ARHGAP22: variants seen among roughly 807,000 people sequenced by gnomAD.
The protein encoded by ARHGAP22 is Rho GTPase activating protein 22, also known as rho GTPase-activating protein 22.
A neutral mutation model predicts 59.1 loss-of-function variants in ARHGAP22; 48 were observed. The ratio of observed to expected loss-of-function variants is 0.81; its 90% confidence interval spans 0.64 to 1.03. The LOEUF is 1.03. Ranked by LOEUF, ARHGAP22 falls within the 50% of genes least tolerant of loss-of-function variation. The probability of loss-of-function intolerance (pLI) is 0.00; values close to 1 mark genes in which losing one functional copy is unlikely to be tolerated. For synonymous variants in ARHGAP22, 445 were observed against 416.4 expected (o/e 1.07, Z -0.84); for missense variants, 1,015 against 958.7 (o/e 1.06, Z -0.78).
intron 1 of ARHGAP22, among the ~76,000 whole-genome samples, chr10:48,640,728 T>G (rs1261262891): frequency 1.3e-5 from 2 of 152,186 alleles, no homozygotes; most frequent in Non-Finnish European, 2.9e-5. Flanking sequence ...TTAAAGGAAA[T>G]TTTTTAAGCT....
intron 4 of ARHGAP22, among the ~76,000 whole-genome samples, chr10:48,474,758 A>G (rs1169426925): frequency 6.7e-6 from 1 of 149,702 alleles, no homozygotes; most frequent in Non-Finnish European, 1.5e-5. Context: ...ATAGTACATT[A>G]ATTGATTTTC....
At chr10:48,479,589 T>G in intron 4 of ARHGAP22, 47 bp downstream of exon 4, 1 of 1,613,438 alleles carries the variant, frequency 6.2e-7, no homozygotes, top group East Asian at 2.2e-5. Flanking sequence ...CATGATTACC[T>G]GGAGGCAAGG....
intron 1 of ARHGAP22, among the ~76,000 whole-genome samples, chr10:48,629,024 C>T (rs905736123): frequency 6.6e-6 from 1 of 152,164 alleles, no homozygotes; most frequent in African/African-American, 2.4e-5. Context: ...TTATGTGTAA[C>T]AGTAAAAATC....
chr10:48,639,236 A>C (rs776695088), intron 1 of ARHGAP22, among the ~76,000 whole-genome samples: 18 of 152,356 alleles, frequency 1.2e-4, no homozygotes, highest in Middle Eastern at 3.4e-3. Context: ...CAATACTGGC[A>C]GCTAGTGAAT....
intron 1 of ARHGAP22, among the ~76,000 whole-genome samples, chr10:48,651,788 C>T (rs1253048457): frequency 1.3e-5 from 2 of 152,242 alleles, no homozygotes; most frequent in South Asian, 4.1e-4. Context: ...TAATAGTTAC[C>T]TCCCAGACAC....
At chr10:48,435,259 CTG>C in the ARHGAP22 span, 1 of 432,116 alleles carries the variant, frequency 2.3e-6, no homozygotes, top group Non-Finnish European at 4.1e-6. Context: ...CTGTAATTAA[CTG>C]TATAATGTAA....
intron 1 of ARHGAP22, among the ~76,000 whole-genome samples, chr10:48,604,495 T>A (rs2060566422): frequency 6.6e-6 from 1 of 152,182 alleles, no homozygotes; most frequent in Non-Finnish European, 1.5e-5. Flanking sequence ...AGGGCCTCTG[T>A]AAAATGTGGA....
rs1203045257 is a variant in ARHGAP22 at position 48,446,301 on chromosome 10, C to T, written c.*90G>A. The T allele has an allele frequency of 7.0e-7, 1 of 1,434,380 alleles. No homozygotes were observed. Among genetic ancestry groups the T allele is most frequent in the Non-Finnish European group, 9.6e-7 (1 of 1,046,122 alleles). 88.9% of individuals were successfully genotyped at this position (1,434,380 alleles called of 1,614,324 possible). Reference sequence around the variant, plus strand: ...TCTCTCTCCAGCTGGCTCCAGAGCGCCTGGCTGCTCCAGAGATACAGACGC... The same window carrying T: ...TCTCTCTCCAGCTGGCTCCAGAGCGTCTGGCTGCTCCAGAGATACAGACGC... On this transcript the variant is annotated 3_prime_UTR_variant, in exon 10 of 10. Coordinates refer to ENST00000249601, the MANE Select transcript of ARHGAP22 (RefSeq NM_021226.4).
intron 3 of ARHGAP22, among the ~76,000 whole-genome samples, chr10:48,500,536 G>GA (rs2051403086): frequency 6.6e-6 from 1 of 152,036 alleles, no homozygotes; most frequent in African/African-American, 2.4e-5. Flanking sequence ...GCCACATGAG[G>GA]AAAAATCAAG....
chr10:48,458,945 G>GTGTTCTCC lies in ARHGAP22; in HGVS notation c.659+738_659+739insGGAGAACA, dbSNP rs1184240187. Among the ~76,000 whole-genome samples, 5 of 152,286 alleles carry GTGTTCTCC rather than the reference G, an allele frequency of 3.3e-5. No individual in the cohort carries two copies. In the East Asian group the frequency reaches 7.7e-4, roughly 24 times the overall value. On this transcript the variant is annotated intron_variant, in intron 5 of 9. Transcript: ENST00000249601. ...TGAGTGTTCTGCCCCCAGAGGAGAA[G>GTGTTCTCC]CCCTGGGAGGCCAGGGCTGCCTGCA...
At chr10:48,458,756 A>G (rs957480249) in intron 5 of ARHGAP22, among the ~76,000 whole-genome samples, 3 of 152,200 alleles carry the variant, frequency 2.0e-5, no homozygotes, top group African/African-American at 4.8e-5. Context: ...CTGAGCGTCA[A>G]CACTGGGATG....
intron 1 of ARHGAP22, among the ~76,000 whole-genome samples, chr10:48,646,503 A>T (rs2062303941): frequency 6.6e-6 from 1 of 152,240 alleles, no homozygotes; most frequent in Admixed American, 6.5e-5. Flanking sequence ...ATAGAATATA[A>T]TTGAGAATCC....
chr10:48,616,116 A>G (rs2135999637), intron 1 of ARHGAP22, among the ~76,000 whole-genome samples: 2 of 152,298 alleles, frequency 1.3e-5, no homozygotes, highest in South Asian at 4.2e-4. Flanking sequence ...ATCTGTGGCA[A>G]TGCTGTGTCA....
chr10:48,595,922 G>T (rs181383815), intron 1 of ARHGAP22, among the ~76,000 whole-genome samples: 1 of 152,188 alleles, frequency 6.6e-6, no homozygotes, highest in Non-Finnish European at 1.5e-5. Context: ...GCCTCGCCTC[G>T]GCATGAAGAA....
intron 1 of ARHGAP22, among the ~76,000 whole-genome samples, chr10:48,618,362 G>C (rs2061162119): frequency 6.6e-6 from 1 of 152,000 alleles, no homozygotes; most frequent in African/African-American, 2.4e-5. Flanking sequence ...GCTATACCCT[G>C]ATGCCCAAAC....
intron 3 of ARHGAP22, among the ~76,000 whole-genome samples, chr10:48,516,199 C>T (rs918684623): frequency 6.6e-6 from 1 of 152,028 alleles, no homozygotes; most frequent in South Asian, 2.1e-4. Context: ...ACCAAACTTA[C>T]AGAATAAAAA....
intron 1 of ARHGAP22, among the ~76,000 whole-genome samples, chr10:48,611,178 TGATAGTAG>T (rs956199385): frequency 6.6e-6 from 1 of 152,178 alleles, no homozygotes; most frequent in African/African-American, 2.4e-5. Context: ...AGTGTGGGAC[TGATAGTAG>T]CACAGGCTCT....
chr10:48,535,887 C>T (rs2055303378), intron 3 of ARHGAP22, among the ~76,000 whole-genome samples: 1 of 152,208 alleles, frequency 6.6e-6, no homozygotes, highest in Non-Finnish European at 1.5e-5. Flanking sequence ...ACACCCTTCC[C>T]TTTCTCAGTG....
intron 3 of ARHGAP22, among the ~76,000 whole-genome samples, chr10:48,525,083 T>A (rs2134823513): frequency 6.6e-6 from 1 of 152,292 alleles, no homozygotes; most frequent in East Asian, 1.9e-4. Flanking sequence ...GTGTGTTCGG[T>A]GCAATCACCT....
Sources: gnomAD v4.1 joint callset for allele counts (sites outside exome capture counted in the v4.1 genomes callset) on GRCh38, gnomAD v4.1.1 for gene constraint, MANE v1.5 for transcripts, NCBI Gene and HGNC (gene_info 2026-07-23, HGNC 2026-07-21) for gene names.